Variants in BBS2 observed in about 807,000 individuals in gnomAD.
BBS2 encodes BBSome complex member BBS2.
A neutral mutation model predicts 83.0 loss-of-function variants in BBS2; 62 were observed. That is an observed-to-expected ratio of 0.75 (90% CI 0.61 to 0.92). The LOEUF is 0.92. Ranked by LOEUF, BBS2 falls within the 40% of genes least tolerant of loss-of-function variation. The probability of loss-of-function intolerance (pLI) is 0.00; values close to 1 mark genes in which losing one functional copy is unlikely to be tolerated. For missense variants in BBS2, 784 were observed against 901.0 expected (o/e 0.87, Z 1.66); for synonymous variants, 303 against 326.1 (o/e 0.93, Z 0.76).
chr16:56,475,579 G>C (rs1240433957), intron 17 of BBS2: 2 of 1,610,322 alleles, frequency 1.2e-6, no homozygotes, highest in South Asian at 2.2e-5. Flanking sequence ...AGTTTCTTCT[G>C]ATAGCAAACT....
At chr16:56,505,188 T>C (rs1024727533) in intron 7 of BBS2, among the ~76,000 whole-genome samples, 1 of 152,268 alleles carries the variant, frequency 6.6e-6, no homozygotes, top group Admixed American at 6.5e-5. Flanking sequence ...TATACAGTCT[T>C]ATAATTTTTA....
At chr16:56,498,318 A>G (rs1179354667) in intron 13 of BBS2, 119 bp downstream of exon 13, 3 of 1,322,018 alleles carry the variant, frequency 2.3e-6, no homozygotes, top group Non-Finnish European at 3.2e-6. Flanking sequence ...CCCCCACCTC[A>G]CTTTGGACTG....
chr16:56,494,822 C>G (rs1964067545), intron 15 of BBS2, among the ~76,000 whole-genome samples: 1 of 151,944 alleles, frequency 6.6e-6, no homozygotes, highest in African/African-American at 2.4e-5. Flanking sequence ...ATTAGCCGGG[C>G]TTGGTGGCGG....
At chr16:56,485,000 C>T in intron 16 of BBS2, 133 bp from the exon 17 acceptor site, 1 of 731,420 alleles carries the variant, frequency 1.4e-6, no homozygotes. Flanking sequence ...CTTACCATTC[C>T]CTAAAAAAAA....
chr16:56,490,138 AC>A (rs1273225387), intron 15 of BBS2, among the ~76,000 whole-genome samples: 1 of 151,720 alleles, frequency 6.6e-6, no homozygotes. Flanking sequence ...GCACACACAC[AC>A]ACACACACAC....
chr16:56,516,993 T>TTTA (rs879900191), intron 1 of BBS2, among the ~76,000 whole-genome samples: 1,942 of 150,988 alleles, frequency 0.013, 34 homozygotes, highest in African/African-American at 0.041. Flanking sequence ...CTTTATTTTA[T>TTTA]TTATTATTAT....
intron 15 of BBS2, among the ~76,000 whole-genome samples, chr16:56,496,548 G>A (rs1382342872): frequency 6.6e-6 from 1 of 152,068 alleles, no homozygotes; most frequent in South Asian, 2.1e-4. Flanking sequence ...TGTCCATTAT[G>A]CTTATCAGAT....
Position 56,484,929 on chromosome 16 carries a change from G to A in BBS2, c.2060-62C>T, listed in dbSNP as rs969895886. 8.5e-5 allele frequency: 111 copies of A among 1,310,432 alleles called. No individual in the cohort carries two copies. The African/African-American group carries it at 8.9e-4, about 10-fold the overall frequency. 81.2% of individuals were successfully genotyped at this position (1,310,432 alleles called of 1,614,324 possible). A position where few individuals can be genotyped will look rare whatever the true frequency, so the allele number is the denominator to read the frequency against. The stretch of plus-strand genomic sequence containing the variant: ...TAGACATGAAATTATAAAATTAGAC[G>A]TCAGTTTTAAAACAACATAAAACCA... On this transcript the variant is annotated intron_variant, in intron 16 of 16. Transcript: ENST00000245157.
intron 15 of BBS2, among the ~76,000 whole-genome samples, chr16:56,490,324 A>G (rs1359661070): frequency 6.6e-6 from 1 of 152,078 alleles, no homozygotes; most frequent in Non-Finnish European, 1.5e-5. Context: ...CCCTGCTGTT[A>G]AAGAAAACTT....
intron 15 of BBS2, among the ~76,000 whole-genome samples, chr16:56,488,884 G>T: frequency 6.6e-6 from 1 of 152,284 alleles, no homozygotes; most frequent in South Asian, 2.1e-4. Flanking sequence ...AAGATTTTAG[G>T]AGTTATTATG....
chr16:56,486,430 C>T (rs1963776363), intron 15 of BBS2, among the ~76,000 whole-genome samples: 1 of 152,206 alleles, frequency 6.6e-6, no homozygotes, highest in Admixed American at 6.5e-5. Context: ...TTATTCTACT[C>T]ACCAAAGTCT....
At chr16:56,475,533 A>G in intron 17 of BBS2, 1 of 1,607,774 alleles carries the variant, frequency 6.2e-7, no homozygotes, top group East Asian at 2.2e-5. Flanking sequence ...TGGCGGTTTT[A>G]CTTCTTACAT....
chr16:56,474,713 T>G, intron 17 of BBS2: 1 of 734,264 alleles, frequency 1.4e-6, no homozygotes, highest in Non-Finnish European at 2.2e-6. Flanking sequence ...AATCAAAGGT[T>G]TGTGGGAATG....
intron 17 of BBS2, chr16:56,477,955 T>C (rs1485974258): frequency 6.6e-5 from 10 of 152,246 alleles, no homozygotes; most frequent in Admixed American, 5.9e-4. Context: ...CCCTAGCCAG[T>C]TAAGAAATGT....
intron 5 of BBS2, 55 bp downstream of exon 5, chr16:56,509,902 A>C: frequency 1.3e-6 from 2 of 1,573,902 alleles, no homozygotes; most frequent in Non-Finnish European, 1.7e-6. Context: ...GTTTCATCTG[A>C]CAGTACTGAT....
At chr16:56,480,337 T>TCA (rs201236493), downstream of BBS2, among the ~76,000 whole-genome samples, 705 of 66,430 alleles carry the variant, frequency 0.011, 18 homozygotes, top group African/African-American at 0.023. Flanking sequence ...GAACACCCCC[T>TCA]CACACACACA....
chr16:56,508,345 A>G (rs1180768311), intron 5 of BBS2, among the ~76,000 whole-genome samples: 2 of 151,928 alleles, frequency 1.3e-5, no homozygotes, highest in East Asian at 3.9e-4. Flanking sequence ...TCTGATACAG[A>G]CTCCTAAATA....
At chr16:56,480,376 A>AC (rs756371353), downstream of BBS2, among the ~76,000 whole-genome samples, 200 of 142,466 alleles carry the variant, frequency 1.4e-3, 2 homozygotes, top group Non-Finnish European at 2.5e-3. Context: ...CAAAAAAAAA[A>AC]ACAAAGCTTG....
chr16:56,500,624 CAAAAA>C (rs1304358431), intron 11 of BBS2: 256 of 293,974 alleles, frequency 8.7e-4, no homozygotes, highest in Non-Finnish European at 1.0e-3. Flanking sequence ...GAATCTGTCT[CAAAAA>C]AAAAAAAAAA....
Sources: gnomAD v4.1 joint callset for allele counts (sites outside exome capture counted in the v4.1 genomes callset) on GRCh38, gnomAD v4.1.1 for gene constraint, MANE v1.5 for transcripts, NCBI Gene and HGNC (gene_info 2026-07-23, HGNC 2026-07-21) for gene names.